CNTNAP2: variants seen among roughly 807,000 people sequenced by gnomAD.
The protein encoded by CNTNAP2 is contactin associated protein 2.
CNTNAP2 carries 98 observed loss-of-function variants against 155.2 expected under a neutral mutation model. That is an observed-to-expected ratio of 0.63 (90% confidence interval 0.54 to 0.75). The LOEUF is 0.75. Among genes scored for constraint, CNTNAP2 ranks in the 30% least tolerant of loss-of-function variants. CNTNAP2 has a pLI of 0.00. For missense variants in CNTNAP2, 1,727 were observed against 1,688.1 expected (o/e 1.02, Z -0.40); for synonymous variants, 651 against 631.2 (o/e 1.03, Z -0.47).
At chr7:148,338,238 G>C (rs1289667011) in intron 21 of CNTNAP2, among the ~76,000 whole-genome samples, 1 of 152,164 alleles carries the variant, frequency 6.6e-6, no homozygotes, top group Non-Finnish European at 1.5e-5. Flanking sequence ...ACAATTATTA[G>C]AGTAAGGGCT....
chr7:147,949,456 A>ATT (rs1421362010), intron 14 of CNTNAP2, among the ~76,000 whole-genome samples: 1 of 130,980 alleles, frequency 7.6e-6, no homozygotes, highest in Non-Finnish European at 1.6e-5. Flanking sequence ...ATATATATAT[A>ATT]TATTTTTTTT....
At chr7:147,559,759 A>AG (rs1800023087) in intron 11 of CNTNAP2, among the ~76,000 whole-genome samples, 1 of 152,174 alleles carries the variant, frequency 6.6e-6, no homozygotes. Flanking sequence ...GGTGTAAAAA[A>AG]TTAACAAAAC....
chr7:147,152,464 C>G (rs1428877588), intron 8 of CNTNAP2, among the ~76,000 whole-genome samples: 1 of 151,860 alleles, frequency 6.6e-6, no homozygotes, highest in Non-Finnish European at 1.5e-5. Context: ...ATCTGAATTC[C>G]TAGGCTAGCT....
intron 1 of CNTNAP2, among the ~76,000 whole-genome samples, chr7:146,685,317 AGAT>A (rs1800577435): frequency 6.6e-6 from 1 of 152,090 alleles, no homozygotes; most frequent in Non-Finnish European, 1.5e-5. Context: ...TCCTATAGAT[AGAT>A]GATTTTATGA....
At chr7:147,561,893 T>C (rs969991841) in intron 11 of CNTNAP2, among the ~76,000 whole-genome samples, 19 of 152,218 alleles carry the variant, frequency 1.2e-4, no homozygotes, top group African/African-American at 4.6e-4. Context: ...TATTTAAGGA[T>C]TGATTATTTT....
intron 21 of CNTNAP2, among the ~76,000 whole-genome samples, chr7:148,372,205 A>G (rs1057142642): frequency 2.6e-5 from 4 of 152,054 alleles, no homozygotes; most frequent in South Asian, 4.2e-4. Flanking sequence ...CGTCTCAAAA[A>G]AAATAAATAA....
intron 15 of CNTNAP2, among the ~76,000 whole-genome samples, chr7:148,017,351 A>G (rs1347208512): frequency 6.6e-6 from 1 of 152,236 alleles, no homozygotes; most frequent in Non-Finnish European, 1.5e-5. Flanking sequence ...AAACATTTCA[A>G]AGTGAAGCAG....
intron 4 of CNTNAP2, chr7:147,085,713 G>C (rs1800262219): frequency 1.3e-5 from 2 of 152,154 alleles, no homozygotes; most frequent in South Asian, 2.1e-4. Flanking sequence ...CTTCACAGCT[G>C]ATCATTGTAT....
chr7:148,018,452 A>G (rs1429473340), intron 15 of CNTNAP2, among the ~76,000 whole-genome samples: 4 of 152,218 alleles, frequency 2.6e-5, no homozygotes, highest in Non-Finnish European at 2.9e-5. Flanking sequence ...GAATGTTCAA[A>G]AACATATTTC....
chr7:147,028,126 G>A (rs1051712075), intron 3 of CNTNAP2, among the ~76,000 whole-genome samples: 3 of 152,064 alleles, frequency 2.0e-5, no homozygotes, highest in African/African-American at 7.2e-5. Flanking sequence ...AATACAAATG[G>A]GATCACAGTC....
intron 21 of CNTNAP2, among the ~76,000 whole-genome samples, chr7:148,355,166 CTTTTTTTTTT>C (rs1167992306): frequency 2.0e-4 from 8 of 41,022 alleles, no homozygotes; most frequent in East Asian, 8.1e-4. Context: ...CCGCCAGCTG[CTTTTTTTTTT>C]TTTTTTTTTT....
intron 16 of CNTNAP2, among the ~76,000 whole-genome samples, chr7:148,137,654 T>G: frequency 7.8e-6 from 1 of 127,706 alleles, no homozygotes; most frequent in East Asian, 2.2e-4. Flanking sequence ...AGAGCAAAAG[T>G]CTATCTCAGA....
intron 21 of CNTNAP2, among the ~76,000 whole-genome samples, chr7:148,285,021 A>G (rs1409973752): frequency 1.3e-5 from 2 of 152,192 alleles, no homozygotes; most frequent in Non-Finnish European, 2.9e-5. Context: ...TAGAAAAACA[A>G]ATGTTTGCAT....
intron 1 of CNTNAP2, among the ~76,000 whole-genome samples, chr7:146,211,674 G>A (rs149913461): frequency 3.9e-5 from 6 of 152,182 alleles, no homozygotes; most frequent in Non-Finnish European, 7.4e-5. Flanking sequence ...GCAGAAATGT[G>A]AATAGGTATA....
intron 3 of CNTNAP2, among the ~76,000 whole-genome samples, chr7:146,934,934 A>G (rs1796878721): frequency 6.6e-6 from 1 of 152,194 alleles, no homozygotes; most frequent in South Asian, 2.1e-4. Flanking sequence ...AATTTGACAA[A>G]CTCAGAGAAA....
At chr7:146,942,195 C>T (rs1332844819) in intron 3 of CNTNAP2, among the ~76,000 whole-genome samples, 1 of 151,878 alleles carries the variant, frequency 6.6e-6, no homozygotes, top group African/African-American at 2.4e-5. Context: ...TGGAAAAATA[C>T]CTTCAAAATT....
At chr7:148,188,736 T>C (rs1350909386) in intron 18 of CNTNAP2, among the ~76,000 whole-genome samples, 1 of 152,254 alleles carries the variant, frequency 6.6e-6, no homozygotes, top group African/African-American at 2.4e-5. Flanking sequence ...AAAATCAATT[T>C]ATATTATTAT....
chr7:147,934,724 T>C (rs766604465), intron 14 of CNTNAP2, among the ~76,000 whole-genome samples: 5 of 152,136 alleles, frequency 3.3e-5, no homozygotes, highest in Non-Finnish European at 7.4e-5. Context: ...AACCACAAAA[T>C]GACAGGGATA....
At chr7:148,069,632 C>T (rs1421708575) in intron 15 of CNTNAP2, among the ~76,000 whole-genome samples, 1 of 151,644 alleles carries the variant, frequency 6.6e-6, no homozygotes, top group African/African-American at 2.4e-5. Context: ...TGGTGGCGGG[C>T]GCCTGTAGTC....
Sources: allele counts gnomAD v4.1 joint callset (sites outside exome capture counted in the v4.1 genomes callset), GRCh38; gene constraint gnomAD v4.1.1; transcripts MANE v1.5; gene names NCBI Gene and HGNC (gene_info 2026-07-23, HGNC 2026-07-21).